The following RCOR1 variants were observed in gnomAD, a reference collection of about 807,000 sequenced individuals.
The protein encoded by RCOR1 is REST corepressor 1.
Under a neutral mutation model 64.0 loss-of-function variants are expected in RCOR1, and 12 were observed. The ratio of observed to expected loss-of-function variants is 0.19; its 90% confidence interval spans 0.12 to 0.30. RCOR1 has a LOEUF of 0.30. Ranked by LOEUF, RCOR1 falls within the 10% of genes least tolerant of loss-of-function variation. The pLI is 1.00. For missense variants in RCOR1, 502 were observed against 621.2 expected (o/e 0.81, Z 2.04); for synonymous variants, 279 against 227.2 (o/e 1.23, Z -2.05).
chr14:102,613,188 G>A (rs1893669572), intron 2 of RCOR1, among the ~76,000 whole-genome samples: 1 of 151,798 alleles, frequency 6.6e-6, no homozygotes, highest in Non-Finnish European at 1.5e-5. Context: ...TGCAACCTTC[G>A]CCTCCCGGGT....
intron 2 of RCOR1, among the ~76,000 whole-genome samples, chr14:102,647,443 A>G (rs933396360): frequency 1.1e-4 from 16 of 152,112 alleles, no homozygotes; most frequent in Admixed American, 9.8e-4. Context: ...CAGCCTCCCA[A>G]GTAGCTGGGG....
chr14:102,699,676 G>A (rs1447795420), intron 3 of RCOR1, among the ~76,000 whole-genome samples: 19 of 151,998 alleles, frequency 1.3e-4, no homozygotes, highest in Admixed American at 1.2e-3. Context: ...TGTACCTAGA[G>A]AGTAAGATTT....
rs114576163 is a variant in RCOR1, at chr14:102,658,557, T to C, written c.362-23338T>C. On this transcript the variant is annotated intron_variant, in intron 2 of 11. Coordinates refer to ENST00000262241, the MANE Select transcript of RCOR1 (RefSeq NM_015156.4). ...GAAAGTTTTTAGAATGTGACTCTTT[T>C]CTCAGGAACAGGATGGCTACCTACC... The C allele has an allele frequency of 5.3e-3, 5,223 of 985,368 alleles. 198 individuals are homozygous for C. The African/African-American group carries it at 0.084, about 16-fold the overall frequency. The allele number at this position is 985,368 out of a possible 1,614,324, so 61.0% of individuals were successfully genotyped here.
At chr14:102,631,305 C>T (rs1329626506) in intron 2 of RCOR1, among the ~76,000 whole-genome samples, 3 of 151,696 alleles carry the variant, frequency 2.0e-5, no homozygotes, top group Non-Finnish European at 4.4e-5. Context: ...CAGGTTCACG[C>T]CGTTCTCCTG....
intron 2 of RCOR1, chr14:102,657,191 T>A (rs1181536659): frequency 7.2e-5 from 71 of 985,278 alleles, no homozygotes; most frequent in Non-Finnish European, 8.6e-5. Context: ...AGGATATCTT[T>A]GCAAAGTGTT....
intron 2 of RCOR1, among the ~76,000 whole-genome samples, chr14:102,604,633 T>C (rs921543210): frequency 2.6e-5 from 4 of 152,184 alleles, no homozygotes; most frequent in African/African-American, 9.6e-5. Context: ...GGCCCTCAGC[T>C]GTAAGAGGCA....
chr14:102,660,702 A>G (rs1375805351), intron 2 of RCOR1, among the ~76,000 whole-genome samples: 2 of 152,210 alleles, frequency 1.3e-5, no homozygotes, highest in Admixed American at 1.3e-4. Flanking sequence ...AATCAAGAAG[A>G]AAATAGATGT....
At chr14:102,620,454 C>T (rs1893851687) in intron 2 of RCOR1, among the ~76,000 whole-genome samples, 1 of 152,152 alleles carries the variant, frequency 6.6e-6, no homozygotes. Context: ...GTAATCCCAG[C>T]TACCCTGGAG....
intron 2 of RCOR1, among the ~76,000 whole-genome samples, chr14:102,603,690 A>T (rs1021738694): frequency 6.6e-6 from 1 of 151,406 alleles, no homozygotes; most frequent in Admixed American, 6.6e-5. Flanking sequence ...GCTTAATCTC[A>T]GCTCACTGCA....
At chr14:102,637,362 A>G (rs1420773904) in intron 2 of RCOR1, among the ~76,000 whole-genome samples, 1 of 151,974 alleles carries the variant, frequency 6.6e-6, no homozygotes, top group Admixed American at 6.6e-5. Context: ...TCCTGACCTC[A>G]GTTGATCTAC....
rs575166845 is a variant in RCOR1 at position 102,597,727 on chromosome 14, G to A, written c.361+4402G>A. On this transcript the variant is annotated intron_variant, in intron 2 of 11. Coordinates refer to ENST00000262241, the MANE Select transcript of RCOR1 (RefSeq NM_015156.4). ...TCAGCTCACACAGCCTCTGCCTCCC[G>A]GGTTCAAGCAGTTCTCCTGCCTCAG... is the stretch of plus-strand genomic sequence containing the variant. Among the ~76,000 whole-genome samples, 70 of 148,420 alleles carry A rather than the reference G, an allele frequency of 4.7e-4. 1 individual carries two copies. The highest frequency in any genetic ancestry group is 1.1e-3 in the Admixed American group (16 of 14,674).
chr14:102,664,405 A>G (rs1894879037), intron 2 of RCOR1, among the ~76,000 whole-genome samples: 1 of 152,306 alleles, frequency 6.6e-6, no homozygotes, highest in East Asian at 1.9e-4. Context: ...ATGAGCCACC[A>G]TGCCTGGCTT....
intron 8 of RCOR1, among the ~76,000 whole-genome samples, chr14:102,718,742 GT>G (rs1288168468): frequency 6.6e-6 from 1 of 151,906 alleles, no homozygotes; most frequent in Non-Finnish European, 1.5e-5. Flanking sequence ...AGTAATCTCT[GT>G]TTTTTTCCTG....
rs1896323917 is a variant in RCOR1, at chr14:102,729,165, T to C, written c.*2659T>C. ...AGTTATTGTGCAAAATATAGTGTCA[T>C]TGATGCAAATAATAGTTTAACTTTT... On this transcript the variant is annotated 3_prime_UTR_variant, in exon 12 of 12. Coordinates refer to ENST00000262241, the MANE Select transcript of RCOR1 (RefSeq NM_015156.4). The C allele has an allele frequency of 6.5e-6, 1 of 152,694 alleles. No individual in the cohort carries two copies. The highest frequency in any genetic ancestry group is 2.4e-5 in the African/African-American group (1 of 41,472). 9.5% of individuals were successfully genotyped at this position (152,694 alleles called of 1,614,324 possible).
chr14:102,615,431 C>T (rs1432805460), intron 2 of RCOR1, among the ~76,000 whole-genome samples: 2 of 151,216 alleles, frequency 1.3e-5, no homozygotes, highest in Non-Finnish European at 2.9e-5. Flanking sequence ...CATGAGCCAC[C>T]TTGGCCTGCA....
At chr14:102,651,938 C>T (rs941447983) in intron 2 of RCOR1, among the ~76,000 whole-genome samples, 3 of 152,194 alleles carry the variant, frequency 2.0e-5, no homozygotes, top group Non-Finnish European at 4.4e-5. Flanking sequence ...CAAATTGATT[C>T]TCAGTAGGCT....
intron 5 of RCOR1, among the ~76,000 whole-genome samples, chr14:102,707,820 C>T (rs182916670): frequency 0.01 from 1,539 of 148,308 alleles, 15 homozygotes; most frequent in Admixed American, 0.016. Flanking sequence ...GACGGAGTCT[C>T]GCTCTATCAC....
At chr14:102,639,675 A>G (rs993904785) in intron 2 of RCOR1, among the ~76,000 whole-genome samples, 3 of 150,856 alleles carry the variant, frequency 2.0e-5, no homozygotes, top group South Asian at 2.1e-4. Flanking sequence ...CTGGGATTAC[A>G]GGCACCTGCC....
At chr14:102,706,132 A>AAAAC (rs1383543431) in intron 4 of RCOR1, among the ~76,000 whole-genome samples, 3 of 147,706 alleles carry the variant, frequency 2.0e-5, no homozygotes, top group South Asian at 2.1e-4. Flanking sequence ...AAAAAAAAAA[A>AAAAC]AAAAAAAAAA....
Sources: gnomAD v4.1 joint callset for allele counts (sites outside exome capture counted in the v4.1 genomes callset) on GRCh38, gnomAD v4.1.1 for gene constraint, MANE v1.5 for transcripts, NCBI Gene and HGNC (gene_info 2026-07-23, HGNC 2026-07-21) for gene names.